The following UEVLD variants were observed in gnomAD, a reference collection of about 807,000 sequenced individuals.
UEVLD encodes the protein ubiquitin-conjugating enzyme E2 variant 3.
UEVLD carries 47 observed loss-of-function variants against 58.6 expected under a neutral mutation model. That is an observed-to-expected ratio of 0.80 (90% CI 0.63 to 1.02). UEVLD has a LOEUF of 1.02. Among genes scored for constraint, UEVLD ranks in the 50% least tolerant of loss-of-function variants. The pLI is 0.00. For synonymous variants in UEVLD, 197 were observed against 195.3 expected (o/e 1.01, Z -0.07); for missense variants, 510 against 550.6 (o/e 0.93, Z 0.74).
At chr11:18,551,203 C>T (rs1456041158) in intron 7 of UEVLD, among the ~76,000 whole-genome samples, 3 of 151,868 alleles carry the variant, frequency 2.0e-5, no homozygotes, top group African/African-American at 7.3e-5. Context: ...CTGAGGTGGG[C>T]GGATCACGAG....
At chr11:18,536,543 G>A in intron 9 of UEVLD, 74 bp from the exon 10 acceptor site, 4 of 1,255,688 alleles carry the variant, frequency 3.2e-6, no homozygotes, top group South Asian at 1.2e-5. Flanking sequence ...AGATCTTTTG[G>A]AGTCAAGGGT....
chr11:18,578,250 T>C (rs946516609), intron 2 of UEVLD, among the ~76,000 whole-genome samples: 5 of 152,270 alleles, frequency 3.3e-5, no homozygotes, highest in African/African-American at 7.2e-5. Context: ...GATTTGACTA[T>C]AGAAGAATGG....
chr11:18,535,293 G>T (rs1850746062), intron 10 of UEVLD, among the ~76,000 whole-genome samples: 1 of 151,882 alleles, frequency 6.6e-6, no homozygotes, highest in Admixed American at 6.6e-5. Flanking sequence ...TGTTAAAAAT[G>T]GTTGTCTCTG....
At chr11:18,586,073 T>G (rs947656008) in intron 1 of UEVLD, among the ~76,000 whole-genome samples, 3 of 152,240 alleles carry the variant, frequency 2.0e-5, no homozygotes, top group African/African-American at 7.2e-5. Flanking sequence ...CTGACAATCT[T>G]CACATCTATG....
intron 1 of UEVLD, among the ~76,000 whole-genome samples, chr11:18,583,257 G>C (rs1279324268): frequency 1.5e-5 from 2 of 131,208 alleles, no homozygotes; most frequent in Non-Finnish European, 3.1e-5. Flanking sequence ...TTTCACTCTT[G>C]TTGCCCAGGC....
At chr11:18,584,513 C>A (rs1041369298) in intron 1 of UEVLD, among the ~76,000 whole-genome samples, 1 of 152,194 alleles carries the variant, frequency 6.6e-6, no homozygotes. Context: ...CATACATTGT[C>A]CAATATGATA....
chr11:18,561,625 TG>T (rs1178923902), intron 6 of UEVLD, among the ~76,000 whole-genome samples: 1 of 152,150 alleles, frequency 6.6e-6, no homozygotes, highest in Non-Finnish European at 1.5e-5. Flanking sequence ...GCAGATTGCC[TG>T]AGGTCAGGAG....
In UEVLD at chr11:18,532,349, G is replaced by A. The variant is rs758305119; in HGVS notation, c.1387C>T (p.His463Tyr). The A allele has an allele frequency of 3.7e-6, 6 of 1,611,264 alleles. No individual in the cohort carries two copies. Among genetic ancestry groups the A allele is most frequent in the Admixed American group, 3.4e-5 (2 of 59,468 alleles). The change falls in exon 12 of 12, where the codon CAC becomes TAC. Residue 463 changes from histidine to tyrosine, a missense_variant. Transcript: ENST00000396197. ...EKLQSSASSI[H>Y]SLQQQLKL Reference sequence around the variant, plus strand: ...AGTTTTAACTGTTGTTGGAGACTGTGGATTGAGGATGCACTGCTTTGGAGT... The same window carrying A: ...AGTTTTAACTGTTGTTGGAGACTGTAGATTGAGGATGCACTGCTTTGGAGT...
At position 18,542,132 on chromosome 11, in the gene UEVLD, T is replaced by C. The variant is rs1042996718; in HGVS notation, c.1060+2491A>G. On this transcript the variant is annotated intron_variant, in intron 9 of 11. Transcript: ENST00000396197. ...AAAATAATAACATGTTTTAGGAAGA[T>C]TGAATTAATATGTGAGAGCACACAA... 3.3e-5 allele frequency among the ~76,000 whole-genome samples: 5 copies of C among 152,304 alleles called. No individual in the cohort carries two copies. In the South Asian group the frequency reaches 6.2e-4, roughly 19 times the overall value.
At chr11:18,580,703 A>G (rs1353035714) in intron 1 of UEVLD, among the ~76,000 whole-genome samples, 1 of 152,040 alleles carries the variant, frequency 6.6e-6, no homozygotes, top group African/African-American at 2.4e-5. Context: ...CAAAGGCTAT[A>G]TATTTTATGA....
At chr11:18,557,538 ATTT>A (rs1281521586) in intron 7 of UEVLD, among the ~76,000 whole-genome samples, 18 of 148,974 alleles carry the variant, frequency 1.2e-4, no homozygotes, top group Non-Finnish European at 2.2e-4. Flanking sequence ...TGTAAACTGA[ATTT>A]TTTTTCTTTT....
At chr11:18,558,946 C>G (rs1230289485) in intron 6 of UEVLD, among the ~76,000 whole-genome samples, 1 of 151,678 alleles carries the variant, frequency 6.6e-6, no homozygotes, top group African/African-American at 2.4e-5. Flanking sequence ...ACAATCTCGG[C>G]TCACTGCAAC....
chr11:18,570,304 C>G lies in UEVLD; in HGVS notation c.267G>C (p.Leu89Phe), dbSNP rs1388328692. Reference protein sequence around the residue: ...SHPFAPPICFLKPTANMGILV... With the variant: ...SHPFAPPICFFKPTANMGILV... ...AGATTCCCATATTTGCAGTTGGCTT[C>G]AAGAAGCAAATAGGGGGAGCGAAAG... Residue 89 changes from leucine to phenylalanine, a missense_variant, in exon 4 of 12, where the codon TTG becomes TTC. Coordinates refer to ENST00000396197, the MANE Select transcript of UEVLD (RefSeq NM_001040697.4). 1 of 1,595,014 alleles carries G rather than the reference C, an allele frequency of 6.3e-7. No individual in the cohort carries two copies. The highest frequency in any genetic ancestry group is 8.5e-7 in the Non-Finnish European group (1 of 1,174,720).
intron 1 of UEVLD, 45 bp downstream of exon 1, chr11:18,588,568 C>T: frequency 6.2e-7 from 1 of 1,602,228 alleles, no homozygotes; most frequent in Non-Finnish European, 8.5e-7. Flanking sequence ...AGGCACCCCC[C>T]GCAAGACCCT....
chr11:18,537,714 G>C (rs1033321183), intron 9 of UEVLD, among the ~76,000 whole-genome samples: 11 of 151,900 alleles, frequency 7.2e-5, no homozygotes, highest in African/African-American at 2.7e-4. Flanking sequence ...CTAGGGTGGA[G>C]TGCAGTGGCA....
rs199854938 is a variant in UEVLD, at chr11:18,555,586, T to TA, written c.715+2641dup. Among the ~76,000 whole-genome samples, 976 of 151,756 alleles carry TA rather than the reference T, an allele frequency of 6.4e-3. 26 individuals are homozygous for TA. The highest frequency in any genetic ancestry group is 0.04 in the East Asian group (206 of 5,160). On this transcript the variant is annotated intron_variant, in intron 7 of 11. Coordinates refer to ENST00000396197, the MANE Select transcript of UEVLD (RefSeq NM_001040697.4). ...CTGGGCAACAGAGTGAGACACTGTC[T>TA]AAAAAAAATAAACAAATGAATAAAT...
At position 18,561,227 on chromosome 11, in the gene UEVLD, C is replaced by T. The variant is rs1852015320; in HGVS notation, c.613-2897G>A. The stretch of plus-strand genomic sequence containing the variant: ...TGTAATTTGGGGCAACTTGGGTAAC[C>T]GCCCTATGCCTTTGTTTCTTCATTT... On this transcript the variant is annotated intron_variant, in intron 6 of 11. Transcript: ENST00000396197. 3.3e-5 allele frequency among the ~76,000 whole-genome samples: 5 copies of T among 152,130 alleles called. No individual in the cohort carries two copies. The South Asian group carries it at 6.2e-4, about 19-fold the overall frequency.
At chr11:18,570,053 G>A (rs1852514325) in intron 4 of UEVLD, 161 bp downstream of exon 4, 1 of 733,680 alleles carries the variant, frequency 1.4e-6, no homozygotes, top group African/African-American at 1.9e-5. Context: ...TCTGGGACTT[G>A]GGTAACCCTA....
chr11:18,550,540 T>C (rs1287989540), intron 7 of UEVLD, among the ~76,000 whole-genome samples: 1 of 152,180 alleles, frequency 6.6e-6, no homozygotes, highest in Non-Finnish European at 1.5e-5. Context: ...AACTGGAACA[T>C]TTCCCCCAGC....
Sources: gnomAD v4.1 joint callset for allele counts (sites outside exome capture counted in the v4.1 genomes callset) on GRCh38, gnomAD v4.1.1 for gene constraint, MANE v1.5 for transcripts, NCBI Gene and HGNC (gene_info 2026-07-23, HGNC 2026-07-21) for gene names.